CLPX: variants seen among roughly 807,000 people sequenced by gnomAD.
CLPX encodes ATP-dependent clpX-like chaperone, mitochondrial.
Under a neutral mutation model 76.4 loss-of-function variants are expected in CLPX, and 34 were observed. That is an observed-to-expected ratio of 0.45 (90% CI 0.34 to 0.59). The LOEUF (loss-of-function observed/expected upper bound fraction) is 0.59, where lower values mean the gene tolerates loss of function less well. CLPX is among the 20% of genes least tolerant of loss of function. CLPX has a pLI of 0.01. For missense variants in CLPX, 613 were observed against 757.0 expected, an observed-to-expected ratio of 0.81 and a Z score of 2.23; for synonymous variants, 248 against 270.9, an observed-to-expected ratio of 0.92 and a Z score of 0.83.
intron 3 of CLPX, among the ~76,000 whole-genome samples, chr15:65,169,302 T>C (rs990969645): frequency 1.3e-5 from 2 of 152,156 alleles, no homozygotes; most frequent in African/African-American, 4.8e-5. Flanking sequence ...GGTCTCATGA[T>C]GTTGCCCAGG....
At chr15:65,170,586 G>A (rs1019587580) in intron 3 of CLPX, among the ~76,000 whole-genome samples, 5 of 151,904 alleles carry the variant, frequency 3.3e-5, no homozygotes, top group Admixed American at 6.6e-5. Flanking sequence ...CCAACATGGC[G>A]AAACCCTGTC....
chr15:65,183,612 C>T (rs778621595), intron 1 of CLPX, among the ~76,000 whole-genome samples: 18 of 151,760 alleles, frequency 1.2e-4, no homozygotes, highest in African/African-American at 1.7e-4. Flanking sequence ...AGAAAACAGT[C>T]GTTTTGAAAA....
At chr15:65,177,142 C>T (rs28507195) in intron 3 of CLPX, among the ~76,000 whole-genome samples, 61 of 151,986 alleles carry the variant, frequency 4.0e-4, no homozygotes, top group African/African-American at 1.4e-3. Flanking sequence ...GATTTTGGCT[C>T]ACCATGACCT....
chr15:65,157,083 T>C (rs1435708388), intron 8 of CLPX, 151 bp from the exon 9 acceptor site: 2 of 581,224 alleles, frequency 3.4e-6, no homozygotes. Context: ...AATGCACTTT[T>C]ATTTCTTCCA....
At chr15:65,175,703 A>G (rs2140644627) in intron 3 of CLPX, among the ~76,000 whole-genome samples, 1 of 152,256 alleles carries the variant, frequency 6.6e-6, no homozygotes, top group Middle Eastern at 3.4e-3. Flanking sequence ...TGACGCACTC[A>G]AAAGGATTTC....
At chr15:65,171,991 T>C (rs1280640019) in intron 3 of CLPX, among the ~76,000 whole-genome samples, 2 of 152,164 alleles carry the variant, frequency 1.3e-5, no homozygotes, top group Non-Finnish European at 2.9e-5. Context: ...GCAATGCACT[T>C]TTTTGTTTTG....
chr15:65,161,862 CAT>C (rs34404108), intron 6 of CLPX, among the ~76,000 whole-genome samples: 6,101 of 152,162 alleles, frequency 0.04, 410 homozygotes, highest in African/African-American at 0.14. Flanking sequence ...AATTTTATTA[CAT>C]GTGATAAATG....
At chr15:65,155,947 T>G in intron 9 of CLPX, 91 bp from the exon 10 acceptor site, 5 of 1,140,588 alleles carry the variant, frequency 4.4e-6, no homozygotes, top group Middle Eastern at 2.0e-4. Flanking sequence ...GAAAACAATA[T>G]GTGATTATAG....
At chr15:65,157,040 T>C (rs1280384788) in intron 8 of CLPX, 108 bp from the exon 9 acceptor site, 5 of 642,942 alleles carry the variant, frequency 7.8e-6, no homozygotes, top group African/African-American at 1.8e-5. Context: ...TGATCTTTCA[T>C]ACTTAACATA....
chr15:65,171,069 C>G (rs891360204), intron 3 of CLPX, among the ~76,000 whole-genome samples: 5 of 151,886 alleles, frequency 3.3e-5, no homozygotes, highest in African/African-American at 1.2e-4. Context: ...GAAACACCCA[C>G]CTCAGCCTCC....
intron 3 of CLPX, among the ~76,000 whole-genome samples, chr15:65,172,583 G>C (rs376037657): frequency 6.6e-6 from 1 of 152,060 alleles, no homozygotes; most frequent in African/African-American, 2.4e-5. Flanking sequence ...AGTGAGCCTC[G>C]ATCACACCAC....
At chr15:65,182,690 C>T (rs924183569) in intron 1 of CLPX, among the ~76,000 whole-genome samples, 1 of 152,080 alleles carries the variant, frequency 6.6e-6, no homozygotes, top group Non-Finnish European at 1.5e-5. Context: ...ATTCAAGGAC[C>T]CTTTGGAGGC....
intron 7 of CLPX, 85 bp from the exon 8 acceptor site, chr15:65,157,995 A>G: frequency 8.3e-7 from 1 of 1,199,826 alleles, no homozygotes; most frequent in Non-Finnish European, 1.1e-6. Context: ...AAATTTTAGT[A>G]GTATATAATA....
At chr15:65,159,706 C>T (rs2087829202) in intron 6 of CLPX, among the ~76,000 whole-genome samples, 1 of 152,110 alleles carries the variant, frequency 6.6e-6, no homozygotes, top group African/African-American at 2.4e-5. Context: ...GAAAGATTAT[C>T]CAGATTTGTA....
At chr15:65,172,563 T>C (rs996848979) in intron 3 of CLPX, among the ~76,000 whole-genome samples, 2 of 151,712 alleles carry the variant, frequency 1.3e-5, no homozygotes, top group African/African-American at 4.8e-5. Context: ...ATCCGAGAGG[T>C]GGAGGTTGCA....
intron 3 of CLPX, among the ~76,000 whole-genome samples, chr15:65,171,304 G>A (rs1595943923): frequency 1.3e-5 from 2 of 151,828 alleles, no homozygotes; most frequent in African/African-American, 4.8e-5. Flanking sequence ...CAAATTATCC[G>A]GGCGTGTTGT....
chr15:65,155,618 A>T, intron 10 of CLPX, 74 bp downstream of exon 10: 1 of 1,230,834 alleles, frequency 8.1e-7, no homozygotes. Flanking sequence ...TAGCCCGCAG[A>T]TATGAGAATG....
intron 13 of CLPX, 100 bp downstream of exon 13, chr15:65,152,329 TA>T: frequency 2.3e-6 from 1 of 432,046 alleles, no homozygotes; most frequent in Non-Finnish European, 4.0e-6. Context: ...CTTAGAAATA[TA>T]ATAATTTTTA....
In CLPX at chr15:65,148,941, T is replaced by A. The variant is rs1269259936; in HGVS notation, c.*1882A>T. On this transcript the variant is annotated 3_prime_UTR_variant, in exon 14 of 14. Coordinates refer to ENST00000300107, the MANE Select transcript of CLPX (RefSeq NM_006660.5). ...ATCCCACCACTTTTTAGCTTTGCTG[T>A]ATAATGAAGGTTAGTAACTTATATG... 4 of 152,222 alleles carry A rather than the reference T, an allele frequency of 2.6e-5. No individual in the cohort carries two copies. In the East Asian group the frequency reaches 7.7e-4, roughly 29 times the overall value. 9.4% of individuals were successfully genotyped at this position (152,222 alleles called of 1,614,324 possible).
Sources: gnomAD v4.1 joint callset for allele counts (sites outside exome capture counted in the v4.1 genomes callset) on GRCh38, gnomAD v4.1.1 for gene constraint, MANE v1.5 for transcripts, NCBI Gene and HGNC (gene_info 2026-07-23, HGNC 2026-07-21) for gene names.